The following FOXK2 variants were observed in gnomAD, a reference collection of about 807,000 sequenced individuals.
The protein encoded by FOXK2 is forkhead box protein K2.
FOXK2 carries 24 observed loss-of-function variants against 53.3 expected under a neutral mutation model. The observed-to-expected ratio is 0.45, with a 90% CI of 0.33 to 0.63. The LOEUF is 0.63. Among genes scored for constraint, FOXK2 ranks in the 30% least tolerant of loss-of-function variants. FOXK2 has a pLI of 0.03. For synonymous variants in FOXK2, 505 were observed against 407.1 expected, an observed-to-expected ratio of 1.24 and a Z score of -2.89; for missense variants, 952 against 910.5, an observed-to-expected ratio of 1.05 and a Z score of -0.59.
Position 82,587,271 on chromosome 17 carries a change from T to C in FOXK2, c.1785T>C (p.Asn595=), listed in dbSNP as rs2045194792. The change falls in exon 8 of 9, where the codon AAT becomes AAC. Residue 595 remains asparagine (N), a splice_region_variant and synonymous_variant. Coordinates refer to ENST00000335255, the MANE Select transcript of FOXK2 (RefSeq NM_004514.4). ...CTGCGGTCCACGGCCAGGTGAACAA[T>C]GGTAAGACATGCTGGTCGGTGGCTC... is the stretch of plus-strand genomic sequence containing the variant. ...VPTAVHGQVN[N]AAASPLHMLA... is the part of the protein sequence containing the mutation. 6.2e-7 allele frequency: 1 copy of C among 1,611,904 alleles called. No individual in the cohort carries two copies. Among genetic ancestry groups the C allele is most frequent in the Non-Finnish European group, 8.5e-7 (1 of 1,179,038 alleles).
chr17:82,586,293 TCAAAGGTGGGCCGGGGGG>T lies in FOXK2; in HGVS notation c.1576+94_1576+111del. The T allele has an allele frequency of 1.2e-5, 3 of 259,472 alleles. 1 individual carries two copies. In the East Asian group the frequency reaches 2.0e-4, roughly 17 times the overall value. The allele number at this position is 259,472 out of a possible 1,614,324, so 16.1% of individuals were successfully genotyped here. On this transcript the variant is annotated intron_variant, in intron 7 of 8. Coordinates refer to ENST00000335255, the MANE Select transcript of FOXK2 (RefSeq NM_004514.4). ...GAGGAGAGGGGAGACCACAGGGAGG[TCAAAGGTGGGCCGGGGGG>T]GAAAGGAGGAGAGGGGAGACCACAG...
intron 1 of FOXK2, among the ~76,000 whole-genome samples, chr17:82,529,066 T>G (rs1162430341): frequency 6.6e-6 from 1 of 152,196 alleles, no homozygotes; most frequent in Non-Finnish European, 1.5e-5. Flanking sequence ...AGCCGCCTGT[T>G]GCGTAGCAAC....
intron 8 of FOXK2, chr17:82,588,542 G>T: frequency 6.4e-6 from 1 of 155,964 alleles, no homozygotes; most frequent in South Asian, 1.7e-4. Context: ...CTGAAGACAA[G>T]GCAGAGGCCT....
At chr17:82,589,385 C>T (rs1302770616) in intron 8 of FOXK2, among the ~76,000 whole-genome samples, 1 of 152,164 alleles carries the variant, frequency 6.6e-6, no homozygotes. Context: ...TATCTTTTCT[C>T]TGCAGCAATA....
intron 8 of FOXK2, among the ~76,000 whole-genome samples, chr17:82,587,954 C>A (rs1465511073): frequency 1.3e-5 from 2 of 152,144 alleles, no homozygotes; most frequent in Admixed American, 1.3e-4. Context: ...GCAGGCAAAT[C>A]CGAAGCTACC....
chr17:82,578,059 G>A (rs1010620270), intron 4 of FOXK2: 1 of 152,352 alleles, frequency 6.6e-6, no homozygotes, highest in Admixed American at 6.5e-5. Context: ...TTAAAGGGAG[G>A]ACTGTACTCT....
intron 1 of FOXK2, among the ~76,000 whole-genome samples, chr17:82,556,547 C>T (rs939918984): frequency 2.8e-4 from 42 of 150,032 alleles, no homozygotes; most frequent in Admixed American, 2.6e-3. Context: ...CACAGAGCAC[C>T]TCCCTCACCT....
chr17:82,601,384 A>C lies in FOXK2; in HGVS notation c.1868A>C (p.Gln623Pro). The C allele has an allele frequency of 6.2e-7, 1 of 1,613,268 alleles. No individual in the cohort carries two copies. The highest frequency in any genetic ancestry group is 8.5e-7 in the Non-Finnish European group (1 of 1,180,028). The change falls in exon 9 of 9, where the codon CAG becomes CCG. Residue 623 changes from glutamine to proline, a missense_variant. By Grantham distance (76) the Gln-to-Pro change is moderately conservative (BLOSUM62 -1). Transcript: ENST00000335255. ...SLPTKRHNGD[Q>P]PEQPELKRIK... ...CCCACAAAGCGCCACAACGGTGACC[A>C]GCCGGAGCAGCCGGAGCTGAAGCGG...
chr17:82,579,276 G>GT (rs1286295954), intron 4 of FOXK2, among the ~76,000 whole-genome samples: 1 of 152,180 alleles, frequency 6.6e-6, no homozygotes, highest in Non-Finnish European at 1.5e-5. Flanking sequence ...CTCTGTCTTT[G>GT]TCGGGGCACC....
At position 82,563,507 on chromosome 17, in the gene FOXK2, C is replaced by A. The variant is rs762851811; in HGVS notation, c.573C>A (p.Ala191=). 1.2e-6 allele frequency: 2 copies of A among 1,613,944 alleles called. No individual in the cohort carries two copies. The highest frequency in any genetic ancestry group is 1.3e-5 in the African/African-American group (1 of 74,864). ...PLTINIPDTM[A]HLISPLPSPT... ...CCATCAACATTCCAGACACCATGGC[C>A]CACCTCATCAGCCCTCTGCCCTCCC... Residue 191 remains alanine (A), a synonymous_variant, in exon 2 of 9, where the codon GCC becomes GCA. Transcript: ENST00000335255.
intron 1 of FOXK2, among the ~76,000 whole-genome samples, chr17:82,560,037 G>T (rs1200561793): frequency 7.6e-6 from 1 of 130,958 alleles, no homozygotes; most frequent in African/African-American, 2.9e-5. Context: ...ATGGAGTCTC[G>T]CTCTGTCGCC....
At chr17:82,539,132 T>C (rs576992331) in intron 1 of FOXK2, among the ~76,000 whole-genome samples, 1 of 151,808 alleles carries the variant, frequency 6.6e-6, no homozygotes, top group South Asian at 2.1e-4. Flanking sequence ...ATCTCAGCAC[T>C]GTAAGGTGGC....
At chr17:82,595,939 G>A in intron 8 of FOXK2, 1 of 1,257,472 alleles carries the variant, frequency 8.0e-7, no homozygotes, top group Non-Finnish European at 1.0e-6. Flanking sequence ...ACGACAGGTG[G>A]AAGGTTGTCC....
chr17:82,535,807 G>C (rs575192595), intron 1 of FOXK2, among the ~76,000 whole-genome samples: 97 of 150,660 alleles, frequency 6.4e-4, no homozygotes, highest in Admixed American at 2.3e-3. Context: ...GAGTGCAGTG[G>C]CGCGATCTGG....
rs1322697651 is a variant in FOXK2, at chr17:82,556,729, C to A, written c.420-6625C>A. On this transcript the variant is annotated intron_variant, in intron 1 of 8. Transcript: ENST00000335255. ...TTTTTATTTTTTTTTGAGACGGAGT[C>A]TTTGTCACCCAGGCTAGAGTGCAGT... 5.9e-5 allele frequency among the ~76,000 whole-genome samples: 9 copies of A among 152,046 alleles called. No homozygotes were observed. The East Asian group carries it at 1.7e-3, about 29-fold the overall frequency.
At chr17:82,573,538 T>G (rs796217661) in intron 4 of FOXK2, among the ~76,000 whole-genome samples, 1 of 106,590 alleles carries the variant, frequency 9.4e-6, no homozygotes, top group Non-Finnish European at 1.9e-5. Context: ...ACACACACAC[T>G]CTCTCTCTCT....
At chr17:82,569,040 C>T (rs1486007715) in intron 3 of FOXK2, among the ~76,000 whole-genome samples, 8 of 152,084 alleles carry the variant, frequency 5.3e-5, no homozygotes, top group Admixed American at 1.3e-4. Flanking sequence ...ATAAAAAGAA[C>T]GCAACCTCAG....
chr17:82,550,604 G>C (rs780470058), intron 1 of FOXK2, among the ~76,000 whole-genome samples: 88 of 149,752 alleles, frequency 5.9e-4, no homozygotes, highest in Non-Finnish European at 1.1e-3. Flanking sequence ...CCGGGTTCAC[G>C]CCATTCTCCT....
chr17:82,597,357 G>A (rs2045324985), intron 8 of FOXK2, among the ~76,000 whole-genome samples: 1 of 152,208 alleles, frequency 6.6e-6, no homozygotes, highest in Non-Finnish European at 1.5e-5. Flanking sequence ...TCTCTGCCCT[G>A]GAGGAGAGGG....
Sources: allele counts gnomAD v4.1 joint callset (sites outside exome capture counted in the v4.1 genomes callset), GRCh38; gene constraint gnomAD v4.1.1; transcripts MANE v1.5; gene names NCBI Gene and HGNC (gene_info 2026-07-23, HGNC 2026-07-21).